The following FNBP4 variants were observed in gnomAD, a reference collection of about 807,000 sequenced individuals.
The protein encoded by FNBP4 is formin binding protein 4.
Under a neutral mutation model 119.3 loss-of-function variants are expected in FNBP4, and 34 were observed. That is an observed-to-expected ratio of 0.28 (90% CI 0.22 to 0.38). The LOEUF (loss-of-function observed/expected upper bound fraction) is 0.38, where lower values mean the gene tolerates loss of function less well. Ranked by LOEUF, FNBP4 falls within the 10% of genes least tolerant of loss-of-function variation. The probability of loss-of-function intolerance (pLI) is 1.00; values close to 1 mark genes in which losing one functional copy is unlikely to be tolerated. For synonymous variants in FNBP4, 462 were observed against 430.6 expected, an observed-to-expected ratio of 1.07 and a Z score of -0.90; for missense variants, 1,112 against 1,228.9, an observed-to-expected ratio of 0.90 and a Z score of 1.42.
In FNBP4 at chr11:47,731,552, T is replaced by C. The variant is rs766210482; in HGVS notation, c.1830A>G (p.Arg610=). ...GWSCHWDRDH[R]RYFYVNEQSG... The stretch of plus-strand genomic sequence containing the variant: ...ACTGTTCGTTTACATAGAAATACCG[T>C]CTATGATCCCTAAATTACAAGAAAG... Residue 610 remains arginine (R), a synonymous_variant, in exon 12 of 17, where the codon AGA becomes AGG. Transcript: ENST00000263773. 4 of 1,599,856 alleles carry C rather than the reference T, an allele frequency of 2.5e-6. No individual in the cohort carries two copies. The highest frequency in any genetic ancestry group is 1.1e-5 in the South Asian group (1 of 88,458).
intron 2 of FNBP4, among the ~76,000 whole-genome samples, chr11:47,756,228 TAAC>T (rs2097617634): frequency 6.6e-6 from 1 of 152,196 alleles, no homozygotes; most frequent in South Asian, 2.1e-4. Flanking sequence ...AGATTACAAT[TAAC>T]AATATAATAC....
At chr11:47,731,307 T>C in intron 12 of FNBP4, 67 bp downstream of exon 12, 1 of 1,426,824 alleles carries the variant, frequency 7.0e-7, no homozygotes, top group Non-Finnish European at 9.4e-7. Flanking sequence ...CTTTTAATAA[T>C]GTAAATTAAT....
chr11:47,760,562 G>C (rs963031457), intron 2 of FNBP4, among the ~76,000 whole-genome samples: 1 of 151,838 alleles, frequency 6.6e-6, no homozygotes, highest in African/African-American at 2.4e-5. Context: ...CTCCCGAGCA[G>C]CTGGAATTAG....
intron 10 of FNBP4, among the ~76,000 whole-genome samples, chr11:47,733,465 A>G (rs2097569962): frequency 6.6e-6 from 1 of 151,996 alleles, no homozygotes. Context: ...CTTCCCGAGT[A>G]GCTGGGATTA....
chr11:47,748,269 TA>T (rs1460180631), intron 6 of FNBP4, among the ~76,000 whole-genome samples: 1 of 151,102 alleles, frequency 6.6e-6, no homozygotes, highest in Non-Finnish European at 1.5e-5. Context: ...AAATAAAAAA[TA>T]AAAATAAAAT....
chr11:47,729,647 C>T (rs2097565205), intron 12 of FNBP4: 2 of 960,028 alleles, frequency 2.1e-6, no homozygotes, highest in South Asian at 4.8e-5. Context: ...ACAGCTCGGA[C>T]TACAGGCGTG....
In FNBP4 at chr11:47,751,171, C is replaced by T. The variant is rs774750854; in HGVS notation, c.757G>A (p.Val253Ile). ...GGCTGGTAATGCTGTAATCCCTGTA[C>T]CTGTGTGGCAAGATATTGGGGTAAC... ...WELPQYLATQ[V>I]QGLQHYQPSS... The change falls in exon 5 of 17, where the codon GTA becomes ATA. Residue 253 changes from valine to isoleucine, a missense_variant. Physicochemically the swap from Val to Ile is conservative, Grantham distance 29. This residue lies in a region of FNBP4 where 826 missense variants were observed against 988.8 expected (regional missense o/e 0.84). Coordinates refer to ENST00000263773, the MANE Select transcript of FNBP4 (RefSeq NM_015308.5). 12 of 1,614,124 alleles carry T rather than the reference C, an allele frequency of 7.4e-6. No homozygotes were observed. The highest frequency in any genetic ancestry group is 1.7e-5 in the Admixed American group (1 of 59,994).
At chr11:47,766,934 C>G in intron 1 of FNBP4, 135 bp downstream of exon 1, 1 of 1,362,346 alleles carries the variant, frequency 7.3e-7, no homozygotes, top group Non-Finnish European at 9.4e-7. Flanking sequence ...CAGGGCCGCC[C>G]CGCCTGCAGG....
Position 47,720,045 on chromosome 11 carries a change from C to CT in FNBP4, c.2846dup (p.Trp950ValfsTer7). 1.2e-6 allele frequency: 2 copies of CT among 1,614,096 alleles called. No individual in the cohort carries two copies. The highest frequency in any genetic ancestry group is 1.7e-6 in the Non-Finnish European group (2 of 1,179,996). On this transcript the variant is annotated frameshift_variant, in exon 16 of 17. Transcript: ENST00000263773. LOFTEE classifies it high-confidence loss of function. ...CTAACTCACGCTGGATACTCTGCCA[C>CT]TTTTTTACCAAAGATGGCATTTTGG...
intron 8 of FNBP4, among the ~76,000 whole-genome samples, chr11:47,743,512 G>A (rs1233280264): frequency 3.3e-5 from 5 of 151,916 alleles, no homozygotes; most frequent in Non-Finnish European, 1.5e-5. Flanking sequence ...AAATAATTAG[G>A]GCCAAATGGA....
Position 47,731,578 on chromosome 11 carries a change from A to G in FNBP4, c.1821-17T>C. 2 of 1,592,990 alleles carry G rather than the reference A, an allele frequency of 1.3e-6. No homozygotes were observed. Among genetic ancestry groups the G allele is most frequent in the Non-Finnish European group, 1.7e-6 (2 of 1,172,950 alleles). ...CTATGATCCCTAAATTACAAGAAAG[A>G]AAACACATGTTTTAAAACCCGTTCT... On this transcript the variant is annotated splice_polypyrimidine_tract_variant and intron_variant, in intron 11 of 16. Transcript: ENST00000263773.
intron 2 of FNBP4, among the ~76,000 whole-genome samples, chr11:47,760,016 TAA>T (rs2097629780): frequency 6.6e-6 from 1 of 152,124 alleles, no homozygotes; most frequent in African/African-American, 2.4e-5. Flanking sequence ...TCACTTTCAG[TAA>T]AAAGTTTCAA....
chr11:47,760,028 A>G (rs979522571), intron 2 of FNBP4, among the ~76,000 whole-genome samples: 1 of 152,196 alleles, frequency 6.6e-6, no homozygotes, highest in Admixed American at 6.6e-5. Flanking sequence ...AAAAGTTTCA[A>G]TCAGGTAAGC....
intron 2 of FNBP4, among the ~76,000 whole-genome samples, chr11:47,763,788 C>T (rs2097641159): frequency 6.6e-6 from 1 of 152,170 alleles, no homozygotes; most frequent in South Asian, 2.1e-4. Context: ...GCGTGAGCCA[C>T]TGTGCCTGGC....
intron 15 of FNBP4, among the ~76,000 whole-genome samples, chr11:47,720,485 A>G (rs750862518): frequency 3.3e-5 from 5 of 152,046 alleles, no homozygotes; most frequent in Non-Finnish European, 7.4e-5. Flanking sequence ...GGAGAATGGC[A>G]TGAACCTGGG....
intron 9 of FNBP4, among the ~76,000 whole-genome samples, chr11:47,735,700 C>T (rs1372556308): frequency 6.6e-6 from 1 of 152,064 alleles, no homozygotes; most frequent in Non-Finnish European, 1.5e-5. Flanking sequence ...GATCTTTTCA[C>T]CTAACCAAGT....
intron 15 of FNBP4, among the ~76,000 whole-genome samples, chr11:47,720,501 G>T (rs1193390233): frequency 6.6e-6 from 1 of 150,824 alleles, no homozygotes; most frequent in Non-Finnish European, 1.5e-5. Context: ...CTGGGAGGCG[G>T]ATCTTGCAGT....
Position 47,723,278 on chromosome 11 carries a change from T to C in FNBP4, c.2503A>G (p.Ile835Val), listed in dbSNP as rs752436326. 2.5e-6 allele frequency: 4 copies of C among 1,613,294 alleles called. No individual in the cohort carries two copies. The Admixed American group carries it at 6.7e-5, about 27-fold the overall frequency. ...CTAACTGGTATTGTCTGATGTCCAA[T>C]TCCTGTTGCCTGGTTTCCAATCCCT... ...AAGIGNQATG[I>V]GHQTIPVSLP... Residue 835 changes from isoleucine to valine, a missense_variant, in exon 15 of 17, where the codon ATT becomes GTT. Transcript: ENST00000263773.
intron 4 of FNBP4, among the ~76,000 whole-genome samples, chr11:47,752,189 C>T (rs1392622928): frequency 5.9e-5 from 9 of 151,822 alleles, no homozygotes; most frequent in Non-Finnish European, 1.2e-4. Context: ...CTTGGGAGGC[C>T]GAGGCAGGTG....
Sources: allele counts gnomAD v4.1 joint callset (sites outside exome capture counted in the v4.1 genomes callset), GRCh38; gene constraint gnomAD v4.1.1; regional missense constraint gnomAD v4.1.1; transcripts MANE v1.5; gene names NCBI Gene and HGNC (gene_info 2026-07-23, HGNC 2026-07-21).